The following ZMAT4 variants were observed in gnomAD, a reference collection of about 807,000 sequenced individuals.
ZMAT4 encodes the protein zinc finger matrin-type 4.
A neutral mutation model predicts 28.7 loss-of-function variants in ZMAT4; 17 were observed. The ratio of observed to expected loss-of-function variants is 0.59; its 90% CI spans 0.41 to 0.89. The LOEUF (loss-of-function observed/expected upper bound fraction) is 0.89. ZMAT4 is among the 40% of genes least tolerant of loss of function. ZMAT4 has a pLI of 0.00. For synonymous variants in ZMAT4, 117 were observed against 109.2 expected (o/e 1.07, Z -0.44); for missense variants, 240 against 283.8 (o/e 0.85, Z 1.11).
chr8:40,560,948 C>T (rs188699820), intron 6 of ZMAT4, among the ~76,000 whole-genome samples: 370 of 152,186 alleles, frequency 2.4e-3, no homozygotes, highest in Non-Finnish European at 4.2e-3. Context: ...GCATTGCAAT[C>T]CTATTTCTTG....
At chr8:40,819,534 A>G (rs1815669659) in intron 2 of ZMAT4, among the ~76,000 whole-genome samples, 1 of 152,100 alleles carries the variant, frequency 6.6e-6, no homozygotes, top group African/African-American at 2.4e-5. Context: ...GCAAAGCTCT[A>G]CAGGGGGGAG....
intron 5 of ZMAT4, among the ~76,000 whole-genome samples, chr8:40,653,368 G>A (rs1043236476): frequency 6.6e-6 from 1 of 151,634 alleles, no homozygotes; most frequent in Non-Finnish European, 1.5e-5. Context: ...AATACTCAAT[G>A]AAAAAACTCA....
At chr8:40,617,869 A>G (rs934135864) in intron 5 of ZMAT4, among the ~76,000 whole-genome samples, 4 of 152,240 alleles carry the variant, frequency 2.6e-5, no homozygotes, top group Non-Finnish European at 5.9e-5. Flanking sequence ...GCAGCCCAAG[A>G]TACATGCAAT....
chr8:40,718,692 A>G (rs556635229), intron 3 of ZMAT4, among the ~76,000 whole-genome samples: 2 of 152,268 alleles, frequency 1.3e-5, no homozygotes, highest in African/African-American at 4.8e-5. Context: ...CATGACAGTG[A>G]CAGAGACACA....
rs904281508 is a variant in ZMAT4, at chr8:40,592,217, C to T, written c.578-10956G>A. ...CCATTGGGAAATCACAACAGTTTGC[C>T]ATGCCATTCCCATAAGGATAATATT... is the stretch of plus-strand genomic sequence containing the variant. On this transcript the variant is annotated intron_variant, in intron 5 of 6. Transcript: ENST00000297737. Among the ~76,000 whole-genome samples, 13 of 152,164 alleles carry T rather than the reference C, an allele frequency of 8.5e-5. 1 individual carries two copies. The highest frequency in any genetic ancestry group is 3.9e-4 in the Admixed American group (6 of 15,270).
chr8:40,611,789 T>C (rs1805806518), intron 5 of ZMAT4, among the ~76,000 whole-genome samples: 1 of 152,216 alleles, frequency 6.6e-6, no homozygotes, highest in African/African-American at 2.4e-5. Flanking sequence ...GGGAGATCGG[T>C]AAAAATGAAA....
chr8:40,616,888 A>G (rs976496679), intron 5 of ZMAT4, among the ~76,000 whole-genome samples: 2 of 152,088 alleles, frequency 1.3e-5, no homozygotes, highest in African/African-American at 4.8e-5. Flanking sequence ...AAGTATAAAA[A>G]AAAAAAAAAA....
chr8:40,646,255 C>T lies in ZMAT4; in HGVS notation c.577+28449G>A, dbSNP rs571473484. On this transcript the variant is annotated intron_variant, in intron 5 of 6. Transcript: ENST00000297737. ...TTTATCTCATCTATTTTTTGCTTCT[C>T]TGTTCCTCTCTTCGTGCTTTTTTTC... Among the ~76,000 whole-genome samples, 3 of 151,686 alleles carry T rather than the reference C, an allele frequency of 2.0e-5. No individual in the cohort carries two copies. In the South Asian group the frequency reaches 6.3e-4, roughly 32 times the overall value.
chr8:40,634,320 T>G (rs1220898515), intron 5 of ZMAT4, among the ~76,000 whole-genome samples: 1 of 152,158 alleles, frequency 6.6e-6, no homozygotes, highest in Non-Finnish European at 1.5e-5. Context: ...AAAAAGACCT[T>G]GTAAGTCTAG....
At chr8:40,812,234 G>A (rs891490928) in intron 2 of ZMAT4, among the ~76,000 whole-genome samples, 4 of 151,468 alleles carry the variant, frequency 2.6e-5, no homozygotes, top group Non-Finnish European at 4.4e-5. Flanking sequence ...TGACTTTGAA[G>A]TGGAGAAACC....
intron 5 of ZMAT4, among the ~76,000 whole-genome samples, chr8:40,639,195 G>A (rs1336781597): frequency 1.3e-5 from 2 of 152,138 alleles, no homozygotes; most frequent in African/African-American, 4.8e-5. Flanking sequence ...CAGCTTTGCT[G>A]GTTTTTTTTA....
chr8:40,708,849 A>C (rs531863189), intron 3 of ZMAT4, among the ~76,000 whole-genome samples: 59 of 151,772 alleles, frequency 3.9e-4, no homozygotes, highest in African/African-American at 1.4e-3. Context: ...GGCTTTCACC[A>C]TGTTGGCCAG....
intron 3 of ZMAT4, among the ~76,000 whole-genome samples, chr8:40,710,470 G>A (rs1197660614): frequency 6.6e-6 from 1 of 152,124 alleles, no homozygotes; most frequent in Non-Finnish European, 1.5e-5. Flanking sequence ...AAACCCTTGA[G>A]ATATCATATA....
chr8:40,571,487 G>A (rs1261566272), intron 6 of ZMAT4, among the ~76,000 whole-genome samples: 1 of 152,086 alleles, frequency 6.6e-6, no homozygotes, highest in Non-Finnish European at 1.5e-5. Flanking sequence ...AACAATAGTG[G>A]ATTTCAATGT....
At chr8:40,756,439 TATATATATATATATATATAC>T (rs1157674001) in intron 3 of ZMAT4, among the ~76,000 whole-genome samples, 4 of 122,836 alleles carry the variant, frequency 3.3e-5, no homozygotes, top group African/African-American at 9.0e-5. Flanking sequence ...TATATATATA[TATATATATATATATATATAC>T]ACACTTGTAT....
chr8:40,595,356 A>T (rs748119353), intron 5 of ZMAT4, among the ~76,000 whole-genome samples: 1 of 152,160 alleles, frequency 6.6e-6, no homozygotes, highest in Admixed American at 6.5e-5. Context: ...GTATACAAAC[A>T]CACACACATA....
At chr8:40,568,394 G>T (rs1803989555) in intron 6 of ZMAT4, among the ~76,000 whole-genome samples, 1 of 152,130 alleles carries the variant, frequency 6.6e-6, no homozygotes. Flanking sequence ...ACCTTTCCTG[G>T]ATCACTTCTT....
intron 1 of ZMAT4, among the ~76,000 whole-genome samples, chr8:40,845,900 G>A (rs1461706415): frequency 2.0e-5 from 3 of 151,904 alleles, no homozygotes; most frequent in Admixed American, 1.3e-4. Context: ...ACAACAAGAT[G>A]TCAAGAGGAG....
chr8:40,550,226 G>A (rs1000361103), intron 6 of ZMAT4, among the ~76,000 whole-genome samples: 5 of 152,030 alleles, frequency 3.3e-5, no homozygotes, highest in Admixed American at 2.6e-4. Context: ...GAGAAACATT[G>A]GCTCCACCTC....
Sources: gnomAD v4.1 joint callset for allele counts (sites outside exome capture counted in the v4.1 genomes callset) on GRCh38, gnomAD v4.1.1 for gene constraint, MANE v1.5 for transcripts, NCBI Gene and HGNC (gene_info 2026-07-23, HGNC 2026-07-21) for gene names.